Variants in ALOXE3 observed in about 807,000 individuals in gnomAD.
ALOXE3 encodes the protein hydroperoxide isomerase ALOXE3.
Under a neutral mutation model 87.5 loss-of-function variants are expected in ALOXE3, and 78 were observed. The observed-to-expected ratio is 0.89, with a 90% CI of 0.74 to 1.08. ALOXE3 has a LOEUF of 1.08. Among genes scored for constraint, ALOXE3 ranks in the 50% least tolerant of loss-of-function variants. The pLI is 0.00. For synonymous variants in ALOXE3, 363 were observed against 370.8 expected (o/e 0.98, Z 0.24); for missense variants, 946 against 912.4 (o/e 1.04, Z -0.47).
chr17:8,104,414 TG>T (rs1398134086), intron 13 of ALOXE3, among the ~76,000 whole-genome samples, 199 bp from the exon 14 acceptor site: 1 of 152,118 alleles, frequency 6.6e-6, no homozygotes, highest in Admixed American at 6.5e-5. Flanking sequence ...AGATGGGGGC[TG>T]GGATCTGGCC....
At chr17:8,099,412 A>G (rs1345197712) in intron 15 of ALOXE3, among the ~76,000 whole-genome samples, 1 of 152,082 alleles carries the variant, frequency 6.6e-6, no homozygotes, top group Non-Finnish European at 1.5e-5. Context: ...CTGTAATCCC[A>G]GCACTTTGGA....
At position 8,117,862 on chromosome 17, in the gene ALOXE3, C is replaced by T. The variant is rs758379497; in HGVS notation, c.129G>A (p.Arg43=). ...SPKQRLDRMG[R]DFAPGSVQKY... ...TACTCACCGATCCAGGGGCGAAGTC[C>T]CTGCCCATTCGATCTAGCCGCTGCT... The change falls in exon 2 of 16, where the codon AGG becomes AGA. Residue 43 remains arginine (R), a synonymous_variant. Transcript: ENST00000448843. 8.7e-6 allele frequency: 14 copies of T among 1,611,384 alleles called. No individual in the cohort carries two copies. The East Asian group carries it at 2.9e-4, about 33-fold the overall frequency.
chr17:8,118,543 T>G (rs1980820202), upstream of ALOXE3: 1 of 1,528,108 alleles, frequency 6.5e-7, no homozygotes, highest in Non-Finnish European at 8.8e-7. Context: ...GAGTTGCACT[T>G]GGTCATAAAT....
intron 11 of ALOXE3, 143 bp downstream of exon 11, chr17:8,109,773 T>C: frequency 1.2e-6 from 1 of 840,770 alleles, no homozygotes; most frequent in Admixed American, 2.4e-5. Context: ...GCGGGGCTGG[T>C]GGAAGAGGCA....
Position 8,096,760 on chromosome 17 carries a change from G to C in ALOXE3, c.2003C>G (p.Pro668Arg). ...CTGGAAGGCGGCGATGCTCCGCCTC[G>C]GGGCCTCCTCTGTGAAGTGCTCATC... Reference protein sequence around the residue: ...YPDEHFTEEAPRRSIAAFQSR... With the variant: ...YPDEHFTEEARRRSIAAFQSR... The change falls in exon 16 of 16, where the codon CCG becomes CGG. Residue 668 changes from proline (P) to arginine (R), a missense_variant. Physicochemically the swap from Pro to Arg is moderately radical, Grantham distance 103. Transcript: ENST00000448843. 1 of 1,614,158 alleles carries C rather than the reference G, an allele frequency of 6.2e-7. No individual in the cohort carries two copies. Among genetic ancestry groups the C allele is most frequent in the Non-Finnish European group, 8.5e-7 (1 of 1,180,040 alleles).
chr17:8,112,275 A>C, intron 6 of ALOXE3, 79 bp from the exon 7 acceptor site: 1 of 1,088,046 alleles, frequency 9.2e-7, no homozygotes. Context: ...CTCTGCCTGG[A>C]GGAACTGACG....
At chr17:8,115,948 G>A (rs900252059) in intron 3 of ALOXE3, among the ~76,000 whole-genome samples, 12 of 152,206 alleles carry the variant, frequency 7.9e-5, no homozygotes, top group Non-Finnish European at 1.5e-4. Flanking sequence ...GGCAGAAGTC[G>A]TCTTGTATTC....
At chr17:8,115,125 A>G (rs1398534749) in intron 4 of ALOXE3, 68 bp from the exon 5 acceptor site, 2 of 1,594,306 alleles carry the variant, frequency 1.3e-6, no homozygotes, top group Non-Finnish European at 1.7e-6. Context: ...AGCTTTAAAG[A>G]CACGGCTTCA....
At chr17:8,107,236 G>C (rs1035479798) in intron 13 of ALOXE3, among the ~76,000 whole-genome samples, 1 of 152,194 alleles carries the variant, frequency 6.6e-6, no homozygotes, top group African/African-American at 2.4e-5. Flanking sequence ...AAACTCCAAG[G>C]CCGGGTGCGG....
Position 8,109,330 on chromosome 17 carries a change from C to G in ALOXE3, c.1406G>C (p.Gly469Ala). Residue 469 changes from glycine (G) to alanine (A), a missense_variant, in exon 12 of 16, where the codon GGG becomes GCG. Physicochemically the swap from Gly to Ala is moderately conservative, Grantham distance 60. Transcript: ENST00000448843. Reference protein sequence around the residue: ...EGLVDQVTSIGRQGLIYLMST... With the variant: ...EGLVDQVTSIARQGLIYLMST... Reference sequence around the variant, plus strand: ...CATGAGGTAGATGAGGCCTTGCCTCCCGATGGACGTGACCTGAGGACACAG... The same window carrying G: ...CATGAGGTAGATGAGGCCTTGCCTCGCGATGGACGTGACCTGAGGACACAG... 6.2e-7 allele frequency: 1 copy of G among 1,613,886 alleles called. No individual in the cohort carries two copies. The highest frequency in any genetic ancestry group is 8.5e-7 in the Non-Finnish European group (1 of 1,180,036).
chr17:8,107,964 AGG>A (rs200697539), intron 13 of ALOXE3, among the ~76,000 whole-genome samples: 271 of 2,186 alleles, frequency 0.12, 116 homozygotes, highest in African/African-American at 0.42. Flanking sequence ...AAAGAAAGGA[AGG>A]AGAGAGAGAG....
At chr17:8,117,196 G>A (rs1174409022) in intron 2 of ALOXE3, among the ~76,000 whole-genome samples, 1 of 152,240 alleles carries the variant, frequency 6.6e-6, no homozygotes, top group African/African-American at 2.4e-5. Context: ...GGCCGAGGCG[G>A]GTGGATCACC....
intron 13 of ALOXE3, among the ~76,000 whole-genome samples, chr17:8,107,963 AAGGAGAGAGAGAG>A (rs1979588325): frequency 3.6e-4 from 1 of 2,768 alleles, no homozygotes; most frequent in Non-Finnish European, 8.5e-4. Flanking sequence ...GAAAGAAAGG[AAGGAGAGAGAGAG>A]AGAGAGAAAG....
chr17:8,107,571 G>A (rs986254322), intron 13 of ALOXE3, among the ~76,000 whole-genome samples: 4 of 151,814 alleles, frequency 2.6e-5, no homozygotes, highest in Non-Finnish European at 4.4e-5. Context: ...AGGCTGAGGC[G>A]GGCGGATCAT....
At chr17:8,112,346 G>C in intron 6 of ALOXE3, 150 bp from the exon 7 acceptor site, 2 of 655,676 alleles carry the variant, frequency 3.1e-6, no homozygotes, top group South Asian at 3.6e-5. Flanking sequence ...TCTAGTACCC[G>C]GTGGAGGCTC....
At chr17:8,115,500 C>A in intron 4 of ALOXE3, 107 bp downstream of exon 4, 1 of 1,220,492 alleles carries the variant, frequency 8.2e-7, no homozygotes. Flanking sequence ...AGTCCTGATC[C>A]AAGCTAGGCA....
At chr17:8,107,827 A>C (rs1351225953) in intron 13 of ALOXE3, among the ~76,000 whole-genome samples, 1 of 2,236 alleles carries the variant, frequency 4.5e-4, no homozygotes, top group East Asian at 6.6e-3. Context: ...GAAAGAAAGA[A>C]AGAAAGAAAG....
Position 8,104,161 on chromosome 17 carries a change from A to G in ALOXE3, c.1739T>C (p.Ile580Thr). The G allele has an allele frequency of 6.2e-7, 1 of 1,613,948 alleles. No individual in the cohort carries two copies. The highest frequency in any genetic ancestry group is 1.1e-5 in the South Asian group (1 of 91,074). ...PGEMVKFLTAIIFNCSAQHAA... is the reference protein window; with the variant it reads ...PGEMVKFLTATIFNCSAQHAA... ...GTGCTGGGCAGAGCAATTGAAGATG[A>G]TTGCAGTGAGGAACTTCACCATCTC... The change falls in exon 14 of 16, where the codon ATC becomes ACC. Residue 580 changes from isoleucine to threonine, a missense_variant. Ile to Thr is a moderately conservative substitution (Grantham distance 89). Transcript: ENST00000448843.
intron 5 of ALOXE3, 99 bp from the exon 6 acceptor site, chr17:8,114,708 T>C: frequency 1.3e-6 from 2 of 1,560,498 alleles, no homozygotes; most frequent in Non-Finnish European, 1.8e-6. Flanking sequence ...AGTCCCTGGG[T>C]CTCTCTTACT....
Sources: allele counts gnomAD v4.1 joint callset (sites outside exome capture counted in the v4.1 genomes callset), GRCh38; gene constraint gnomAD v4.1.1; transcripts MANE v1.5; gene names NCBI Gene and HGNC (gene_info 2026-07-23, HGNC 2026-07-21).